Variants in MSRA observed in about 807,000 individuals in gnomAD.
MSRA encodes mitochondrial peptide methionine sulfoxide reductase.
MSRA carries 54 observed loss-of-function variants against 31.3 expected under a neutral mutation model. That is an observed-to-expected ratio of 1.73 (90% CI 1.39 to 2.17). The LOEUF is 2.17. MSRA is among the 30% of genes most tolerant of loss of function. The pLI is 0.00. For missense variants in MSRA, 507 were observed against 300.9 expected, an observed-to-expected ratio of 1.69 and a Z score of -5.07; for synonymous variants, 169 against 116.5, an observed-to-expected ratio of 1.45 and a Z score of -2.90.
chr8:10,247,310 C>A (rs4288376), intron 3 of MSRA, among the ~76,000 whole-genome samples: 39,463 of 150,508 alleles, frequency 0.26, 5,272 homozygotes, highest in Admixed American at 0.35. Flanking sequence ...AGGAATCCCT[C>A]CCTCATTAGC....
intron 1 of MSRA, among the ~76,000 whole-genome samples, chr8:10,136,898 C>T (rs1053948208): frequency 6.6e-6 from 1 of 152,240 alleles, no homozygotes; most frequent in Non-Finnish European, 1.5e-5. Flanking sequence ...TCAGTGTCCA[C>T]CCTGCTGTCT....
At chr8:10,322,049 C>G (rs1330470318) in intron 5 of MSRA, among the ~76,000 whole-genome samples, 2 of 152,092 alleles carry the variant, frequency 1.3e-5, no homozygotes, top group South Asian at 2.1e-4. Context: ...GCTTTTGTAA[C>G]AGTGGTGGGC....
chr8:10,181,169 A>G (rs1441517884), intron 1 of MSRA, among the ~76,000 whole-genome samples: 2 of 152,226 alleles, frequency 1.3e-5, no homozygotes, highest in Non-Finnish European at 2.9e-5. Context: ...CAGATATATT[A>G]TAATTTCAGA....
At chr8:10,158,888 G>A (rs1364446950) in intron 1 of MSRA, among the ~76,000 whole-genome samples, 1 of 152,146 alleles carries the variant, frequency 6.6e-6, no homozygotes, top group Non-Finnish European at 1.5e-5. Context: ...TCCAACGCTT[G>A]CTGTTGTCTG....
At chr8:10,084,112 T>A (rs1798427533) in intron 1 of MSRA, among the ~76,000 whole-genome samples, 1 of 152,244 alleles carries the variant, frequency 6.6e-6, no homozygotes, top group Non-Finnish European at 1.5e-5. Flanking sequence ...GGCCTGGCAT[T>A]TCAGCGACCC....
intron 1 of MSRA, among the ~76,000 whole-genome samples, chr8:10,183,658 T>G (rs1806747510): frequency 6.6e-6 from 1 of 152,184 alleles, no homozygotes; most frequent in African/African-American, 2.4e-5. Flanking sequence ...CCACACTTTC[T>G]TTTTTCAATC....
chr8:10,198,699 A>C (rs530567990), intron 1 of MSRA, among the ~76,000 whole-genome samples: 1 of 152,136 alleles, frequency 6.6e-6, no homozygotes, highest in Non-Finnish European at 1.5e-5. Context: ...TCATAGCTCA[A>C]TGCAGCTTCT....
chr8:10,162,594 T>C lies in MSRA; in HGVS notation c.143-45239T>C, dbSNP rs747646373. 1.8e-4 allele frequency among the ~76,000 whole-genome samples: 28 copies of C among 152,112 alleles called. 1 individual carries two copies. The highest frequency in any genetic ancestry group is 3.1e-4 in the Non-Finnish European group (21 of 68,028). ...CTACCATGGGGGTCCAGGGGGCCTG[T>C]CAAACTGTGGCACAGGGGAAACCCG... On this transcript the variant is annotated intron_variant, in intron 1 of 5. Transcript: ENST00000317173.
chr8:10,272,102 C>T (rs977627235), intron 3 of MSRA, among the ~76,000 whole-genome samples: 4 of 152,146 alleles, frequency 2.6e-5, no homozygotes, highest in Admixed American at 6.5e-5. Context: ...TTCATGCCTC[C>T]AAAACTTTAT....
At chr8:10,411,103 T>C (rs1274067571) in intron 5 of MSRA, 2 of 152,182 alleles carry the variant, frequency 1.3e-5, no homozygotes, top group African/African-American at 4.8e-5. Flanking sequence ...CCACTCAGGT[T>C]TTACTTTTCC....
chr8:10,158,277 C>G (rs1428737398), intron 1 of MSRA, among the ~76,000 whole-genome samples: 1 of 152,200 alleles, frequency 6.6e-6, no homozygotes, highest in Non-Finnish European at 1.5e-5. Flanking sequence ...TGGGTATGAA[C>G]TGCAGTCAGA....
chr8:10,397,919 G>A (rs963740199), intron 5 of MSRA, among the ~76,000 whole-genome samples: 9 of 152,204 alleles, frequency 5.9e-5, no homozygotes, highest in Admixed American at 3.3e-4. Context: ...GGAAAAGTGG[G>A]TGGAGGCCCC....
intron 1 of MSRA, among the ~76,000 whole-genome samples, chr8:10,201,555 C>G (rs1015249447): frequency 1.3e-5 from 2 of 152,148 alleles, no homozygotes; most frequent in Admixed American, 6.5e-5. Flanking sequence ...GGGAGCTCAT[C>G]CCTGATTGGT....
intron 1 of MSRA, among the ~76,000 whole-genome samples, chr8:10,068,420 T>C (rs1010438046): frequency 2.6e-5 from 4 of 152,210 alleles, no homozygotes; most frequent in Non-Finnish European, 5.9e-5. Context: ...TTTTCTCCTG[T>C]GTTATCTTCT....
At chr8:10,250,728 C>G (rs192497177) in intron 3 of MSRA, 32 of 489,104 alleles carry the variant, frequency 6.5e-5, no homozygotes, top group African/African-American at 5.6e-4. Flanking sequence ...GTCTGCAAAA[C>G]CTAAAATATT....
chr8:10,419,404 G>T (rs1346333862), intron 5 of MSRA, among the ~76,000 whole-genome samples: 2 of 152,072 alleles, frequency 1.3e-5, no homozygotes, highest in Non-Finnish European at 2.9e-5. Context: ...GGGTTTCCTG[G>T]TGGGTAAAGT....
chr8:10,417,600 G>T (rs532633099), intron 5 of MSRA, among the ~76,000 whole-genome samples: 1 of 152,200 alleles, frequency 6.6e-6, no homozygotes, highest in South Asian at 2.1e-4. Flanking sequence ...CAGAATAGAT[G>T]ATGTTTTCTT....
At chr8:10,425,799 T>A (rs561307856) in intron 5 of MSRA, among the ~76,000 whole-genome samples, 16 of 152,394 alleles carry the variant, frequency 1.0e-4, no homozygotes, top group African/African-American at 3.8e-4. Context: ...TGAATCCCAC[T>A]GGCGTTGTGA....
At chr8:10,170,449 G>C (rs943031605) in intron 1 of MSRA, among the ~76,000 whole-genome samples, 7 of 152,152 alleles carry the variant, frequency 4.6e-5, no homozygotes, top group Non-Finnish European at 7.4e-5. Flanking sequence ...GAATCTGCTG[G>C]TGCCTTGGTT....
Sources: allele counts gnomAD v4.1 joint callset (sites outside exome capture counted in the v4.1 genomes callset), GRCh38; gene constraint gnomAD v4.1.1; transcripts MANE v1.5; gene names NCBI Gene and HGNC (gene_info 2026-07-23, HGNC 2026-07-21).